Variants in SAXO5 observed in about 807,000 individuals in gnomAD.
SAXO5 encodes testis expressed 45.
chr19:7,504,076 C>G, the SAXO5 span: 51 of 1,366,776 alleles, frequency 3.7e-5, no homozygotes, highest in Admixed American at 9.5e-4. Flanking sequence ...GGCAGGGAAT[C>G]TCAATCTCTC....
the SAXO5 span, among the ~76,000 whole-genome samples, chr19:7,507,298 C>T: frequency 6.6e-6 from 1 of 152,096 alleles, no homozygotes; most frequent in South Asian, 2.1e-4. Flanking sequence ...TCATCCCTAG[C>T]TTGGCCGGGT....
chr19:7,501,026 A>C, the SAXO5 span: 3 of 1,524,634 alleles, frequency 2.0e-6, no homozygotes, highest in Non-Finnish European at 1.7e-6. Context: ...TGCTTTTCCC[A>C]ATGGACCCGC....
At chr19:7,504,113 A>C in the SAXO5 span, 24 of 1,526,388 alleles carry the variant, frequency 1.6e-5, no homozygotes, top group Non-Finnish European at 2.0e-5. Context: ...CCCCTTGCCT[A>C]TCCTAAGGGG....
chr19:7,506,910 C>T, the SAXO5 span: 2 of 639,696 alleles, frequency 3.1e-6, no homozygotes. Flanking sequence ...TCCTCCCTCC[C>T]CCCTCTCCTA....
At chr19:7,506,285 G>A in the SAXO5 span, 1 of 795,958 alleles carries the variant, frequency 1.3e-6, no homozygotes, top group Non-Finnish European at 1.9e-6. Context: ...GCCCCGTCCC[G>A]GGAAGCCCAG....
the SAXO5 span, among the ~76,000 whole-genome samples, chr19:7,505,089 T>G: frequency 6.6e-6 from 1 of 151,140 alleles, no homozygotes; most frequent in African/African-American, 2.4e-5. Flanking sequence ...GTTCAAGCAA[T>G]TCTCCTGCCT....
chr19:7,501,286 A>G, the SAXO5 span: 3 of 1,571,946 alleles, frequency 1.9e-6, no homozygotes, highest in African/African-American at 1.4e-5. Context: ...TTCGACCGCG[A>G]CTCCCTGCCT....
chr19:7,506,257 G>C, the SAXO5 span: 1 of 1,059,806 alleles, frequency 9.4e-7, no homozygotes, highest in Non-Finnish European at 1.3e-6. Flanking sequence ...CCTCCCCATG[G>C]AGCCCCGCCC....
At chr19:7,507,535 G>T in the SAXO5 span, among the ~76,000 whole-genome samples, 1 of 151,618 alleles carries the variant, frequency 6.6e-6, no homozygotes, top group Non-Finnish European at 1.5e-5. Flanking sequence ...AGCCAAGATC[G>T]CACCATTGCA....
At chr19:7,507,133 C>T in the SAXO5 span, 5 of 1,613,732 alleles carry the variant, frequency 3.1e-6, no homozygotes, top group East Asian at 1.1e-4. Context: ...TGAAGAGATG[C>T]TACAGCGGGT....
chr19:7,506,241 G>T, the SAXO5 span: 1 of 530,982 alleles, frequency 1.9e-6, no homozygotes. Flanking sequence ...CCGCCCCCAT[G>T]GAGCCCCTCC....
At chr19:7,506,264 G>GC in the SAXO5 span, 3 of 904,178 alleles carry the variant, frequency 3.3e-6, no homozygotes, top group Non-Finnish European at 4.5e-6. Context: ...ATGGAGCCCC[G>GC]CCCCCACGGA....
the SAXO5 span, chr19:7,505,699 C>A: frequency 7.0e-7 from 1 of 1,436,816 alleles, no homozygotes. Context: ...TGCAGAAGTC[C>A]CAAAGTGGGA....
chr19:7,503,026 G>C, the SAXO5 span, among the ~76,000 whole-genome samples: 17 of 152,144 alleles, frequency 1.1e-4, no homozygotes, highest in African/African-American at 3.6e-4. Flanking sequence ...TAACCTCTCT[G>C]AGCCTCAAGG....
the SAXO5 span, chr19:7,506,998 C>A: frequency 3.5e-6 from 5 of 1,429,648 alleles, no homozygotes; most frequent in South Asian, 3.5e-5. Flanking sequence ...CTTCACCACA[C>A]CCTCAGCCCC....
chr19:7,505,447 G>A, the SAXO5 span: 2 of 1,613,946 alleles, frequency 1.2e-6, 1 homozygote, highest in South Asian at 2.2e-5. Context: ...GTGAGAGCCT[G>A]AGGCCCGCCC....
the SAXO5 span, among the ~76,000 whole-genome samples, chr19:7,503,092 A>G: frequency 6.6e-6 from 1 of 152,272 alleles, no homozygotes; most frequent in South Asian, 2.1e-4. Context: ...GCCGGGTGCA[A>G]TGGCTCATGC....
At chr19:7,501,183 G>A in the SAXO5 span, 45,947 of 1,522,464 alleles carry the variant, frequency 0.03, 816 homozygotes, top group Non-Finnish European at 0.035. Flanking sequence ...GGACGCGCAC[G>A]CCGGGATCGG....
chr19:7,503,297 G>A, the SAXO5 span, among the ~76,000 whole-genome samples: 1 of 151,958 alleles, frequency 6.6e-6, no homozygotes, highest in East Asian at 2.0e-4. Context: ...AACCTGGGAG[G>A]AGCAGGTTGC....
Sources: gnomAD v4.1 joint callset for allele counts (sites outside exome capture counted in the v4.1 genomes callset) on GRCh38, gnomAD v4.1.1 for gene constraint, MANE v1.5 for transcripts, NCBI Gene and HGNC (gene_info 2026-07-23, HGNC 2026-07-21) for gene names.